CDK14: variants seen among roughly 807,000 people sequenced by gnomAD.
CDK14 encodes the protein cyclin-dependent kinase 14.
A neutral mutation model predicts 60.7 loss-of-function variants in CDK14; 34 were observed. The ratio of observed to expected loss-of-function variants is 0.56; its 90% confidence interval spans 0.43 to 0.75. The LOEUF is 0.75. CDK14 is among the 30% of genes least tolerant of loss of function. The pLI, the probability that CDK14 is intolerant of heterozygous loss-of-function variation, is 0.00. For synonymous variants in CDK14, 197 were observed against 203.7 expected (o/e 0.97, Z 0.28); for missense variants, 482 against 564.1 (o/e 0.85, Z 1.47).
At chr7:91,145,183 A>T (rs902386490) in intron 14 of CDK14, among the ~76,000 whole-genome samples, 1 of 152,238 alleles carries the variant, frequency 6.6e-6, no homozygotes, top group Non-Finnish European at 1.5e-5. Context: ...TCAGTGTTTT[A>T]AGATTTCCTA....
chr7:90,654,898 A>G (rs1379920117), intron 2 of CDK14, among the ~76,000 whole-genome samples: 2 of 152,196 alleles, frequency 1.3e-5, no homozygotes, highest in Non-Finnish European at 2.9e-5. Context: ...GGGTTTTGAC[A>G]AATGAATGAC....
Position 91,208,823 on chromosome 7 carries a change from A to T in CDK14, c.*1687A>T, listed in dbSNP as rs1159456062. 1 of 152,680 alleles carries T rather than the reference A, an allele frequency of 6.5e-6. No individual in the cohort carries two copies. Among genetic ancestry groups the T allele is most frequent in the Admixed American group, 6.5e-5 (1 of 15,290 alleles). 9.5% of individuals were successfully genotyped at this position (152,680 alleles called of 1,614,324 possible). On this transcript the variant is annotated 3_prime_UTR_variant, in exon 15 of 15. Transcript: ENST00000380050. ...ATAGTTCATCCTATCCAGATGTAGC[A>T]TTCATGGTAAACTTTTAAGTGCTAA...
At chr7:91,033,349 A>G (rs901108247) in intron 10 of CDK14, among the ~76,000 whole-genome samples, 1 of 152,176 alleles carries the variant, frequency 6.6e-6, no homozygotes, top group African/African-American at 2.4e-5. Flanking sequence ...TTCCTTTACA[A>G]ATGCTATTTT....
At chr7:91,082,951 A>G (rs1470173429) in intron 12 of CDK14, among the ~76,000 whole-genome samples, 1 of 152,150 alleles carries the variant, frequency 6.6e-6, no homozygotes, top group African/African-American at 2.4e-5. Context: ...AGTCGATCTA[A>G]AATTTTCTAA....
Position 90,616,509 on chromosome 7 carries a change from A to G in CDK14, c.123+12260A>G, listed in dbSNP as rs566063567. The stretch of plus-strand genomic sequence containing the variant: ...AGACTATTTAATCTTACAAATGAGC[A>G]TCCTTGGGTCATTACATATTGGGGT... On this transcript the variant is annotated intron_variant, in intron 2 of 14. Coordinates refer to ENST00000380050, the MANE Select transcript of CDK14 (RefSeq NM_001287135.2). Among the ~76,000 whole-genome samples, 3 of 152,288 alleles carry G rather than the reference A, an allele frequency of 2.0e-5. No individual in the cohort carries two copies. In the South Asian group the frequency reaches 6.2e-4, roughly 32 times the overall value.
intron 8 of CDK14, among the ~76,000 whole-genome samples, chr7:90,948,668 T>C (rs1043368542): frequency 3.9e-5 from 6 of 152,242 alleles, no homozygotes; most frequent in Non-Finnish European, 7.3e-5. Context: ...TGTGAGTGAA[T>C]GGATGTAGCT....
intron 9 of CDK14, among the ~76,000 whole-genome samples, chr7:90,967,201 A>G (rs1435778554): frequency 6.6e-6 from 1 of 150,456 alleles, no homozygotes; most frequent in African/African-American, 2.4e-5. Context: ...GAAGGAAGGA[A>G]GAAAGGAAGG....
intron 11 of CDK14, among the ~76,000 whole-genome samples, chr7:91,068,971 G>A (rs778101657): frequency 1.3e-4 from 20 of 152,148 alleles, no homozygotes; most frequent in Admixed American, 4.6e-4. Context: ...TACTCGTTAT[G>A]GGAATGCAAG....
intron 7 of CDK14, among the ~76,000 whole-genome samples, chr7:90,906,866 C>A (rs1284106671): frequency 2.6e-5 from 4 of 151,976 alleles, no homozygotes; most frequent in African/African-American, 9.7e-5. Context: ...TTGTATTTTT[C>A]TTGATGCGTA....
At chr7:90,957,786 T>C (rs535783340) in intron 9 of CDK14, among the ~76,000 whole-genome samples, 2 of 151,894 alleles carry the variant, frequency 1.3e-5, no homozygotes, top group African/African-American at 4.8e-5. Flanking sequence ...CCCAAGGTAA[T>C]TTACAGATTC....
chr7:91,178,570 A>G (rs559397204), intron 14 of CDK14, among the ~76,000 whole-genome samples: 36 of 152,254 alleles, frequency 2.4e-4, no homozygotes, highest in Admixed American at 1.0e-3. Flanking sequence ...CATATGACAA[A>G]GGGCTAATAT....
intron 14 of CDK14, among the ~76,000 whole-genome samples, chr7:91,170,318 A>C (rs959990736): frequency 6.6e-6 from 1 of 152,200 alleles, no homozygotes; most frequent in African/African-American, 2.4e-5. Flanking sequence ...CCTACATGCT[A>C]ATTTTATATA....
chr7:90,762,709 G>A (rs1388917824), intron 4 of CDK14, among the ~76,000 whole-genome samples: 3 of 152,188 alleles, frequency 2.0e-5, no homozygotes, highest in African/African-American at 4.8e-5. Flanking sequence ...TGGAAGGCCC[G>A]GTGTGGTGGC....
At chr7:90,975,251 T>C (rs1432919040) in intron 9 of CDK14, among the ~76,000 whole-genome samples, 2 of 152,060 alleles carry the variant, frequency 1.3e-5, no homozygotes, top group Non-Finnish European at 2.9e-5. Flanking sequence ...GCCCCAAATA[T>C]AGTAGTTTCA....
At chr7:91,168,285 G>A (rs1198356366) in intron 14 of CDK14, among the ~76,000 whole-genome samples, 2 of 150,940 alleles carry the variant, frequency 1.3e-5, no homozygotes, top group Non-Finnish European at 2.9e-5. Flanking sequence ...AAGATAATTG[G>A]GCCACTTTAC....
intron 12 of CDK14, among the ~76,000 whole-genome samples, chr7:91,090,807 TTTC>T (rs1798780302): frequency 6.6e-6 from 1 of 151,916 alleles, no homozygotes; most frequent in African/African-American, 2.4e-5. Context: ...CAGAATGGAG[TTTC>T]AAAGCATGGC....
chr7:90,770,651 C>T (rs1268816804), intron 4 of CDK14, among the ~76,000 whole-genome samples: 2 of 152,192 alleles, frequency 1.3e-5, no homozygotes, highest in African/African-American at 4.8e-5. Context: ...TTCCCCATAT[C>T]CTTACTGCTT....
rs1197091423 is a variant in CDK14 at position 91,185,522 on chromosome 7, TTTATC to T, written c.*29-21641_*29-21637del. Among the ~76,000 whole-genome samples, 3 of 152,118 alleles carry T rather than the reference TTTATC, an allele frequency of 2.0e-5. No homozygotes were observed. The East Asian group carries it at 5.8e-4, about 29-fold the overall frequency. ...CCATTAGTACATATTCCTATAATGATTTATCTATATACCCACCAGTATATTATTGT... is the reference window on the plus strand; with the variant it reads ...CCATTAGTACATATTCCTATAATGATTATATACCCACCAGTATATTATTGT... On this transcript the variant is annotated intron_variant, in intron 14 of 14. Transcript: ENST00000380050.
At chr7:91,026,756 T>C (rs190803327) in intron 10 of CDK14, among the ~76,000 whole-genome samples, 1 of 152,252 alleles carries the variant, frequency 6.6e-6, no homozygotes, top group East Asian at 1.9e-4. Flanking sequence ...CCACTTAGGG[T>C]TTATTGTTCA....
Sources: allele counts gnomAD v4.1 joint callset (sites outside exome capture counted in the v4.1 genomes callset), GRCh38; gene constraint gnomAD v4.1.1; transcripts MANE v1.5; gene names NCBI Gene and HGNC (gene_info 2026-07-23, HGNC 2026-07-21).